PDE4D: variants seen among roughly 807,000 people sequenced by gnomAD.
The protein encoded by PDE4D is 3',5'-cyclic-AMP phosphodiesterase 4D.
PDE4D carries 24 observed loss-of-function variants against 87.4 expected under a neutral mutation model. The observed-to-expected ratio is 0.27, with a 90% CI of 0.20 to 0.39. The LOEUF is 0.39. Ranked by LOEUF, PDE4D falls within the 10% of genes least tolerant of loss-of-function variation. The probability of loss-of-function intolerance (pLI) is 1.00; values close to 1 mark genes in which losing one functional copy is unlikely to be tolerated. For missense variants in PDE4D, 714 were observed against 1,041.0 expected, an observed-to-expected ratio of 0.69 and a Z score of 4.32; for synonymous variants, 384 against 383.2, an observed-to-expected ratio of 1.00 and a Z score of -0.02.
chr5:60,333,779 A>G (rs992235745), intron 1 of PDE4D, among the ~76,000 whole-genome samples: 5 of 152,152 alleles, frequency 3.3e-5, no homozygotes, highest in African/African-American at 1.2e-4. Flanking sequence ...ATTCCAATTC[A>G]TCATAACTCA....
intron 1 of PDE4D, among the ~76,000 whole-genome samples, chr5:59,320,547 A>T (rs1774537543): frequency 6.6e-6 from 1 of 152,142 alleles, no homozygotes; most frequent in African/African-American, 2.4e-5. Context: ...TACTTATTTG[A>T]TGTAATTCAT....
chr5:60,345,766 GA>G (rs1310857346), intron 1 of PDE4D, among the ~76,000 whole-genome samples: 23 of 152,046 alleles, frequency 1.5e-4, no homozygotes, highest in African/African-American at 4.8e-4. Flanking sequence ...ATGCCAAGAT[GA>G]CTGAATTTCA....
At chr5:59,467,372 G>C (rs1010544222) in intron 1 of PDE4D, among the ~76,000 whole-genome samples, 19 of 152,146 alleles carry the variant, frequency 1.2e-4, no homozygotes, top group Admixed American at 1.2e-3. Context: ...AAATAAAGCA[G>C]AGACAGAGGG....
At chr5:59,916,054 C>T (rs1378736493) in intron 3 of PDE4D, among the ~76,000 whole-genome samples, 2 of 152,174 alleles carry the variant, frequency 1.3e-5, no homozygotes, top group Non-Finnish European at 2.9e-5. Context: ...TTAATCTCTA[C>T]TCATCACACC....
intron 1 of PDE4D, among the ~76,000 whole-genome samples, chr5:59,546,646 A>G (rs191715835): frequency 1.3e-5 from 2 of 152,280 alleles, no homozygotes; most frequent in Admixed American, 1.3e-4. Context: ...CCTATCTCAC[A>G]TCTTTTACCT....
intron 6 of PDE4D, among the ~76,000 whole-genome samples, chr5:59,028,788 ATAAAT>A (rs1156592211): frequency 6.6e-6 from 1 of 152,192 alleles, no homozygotes; most frequent in African/African-American, 2.4e-5. Flanking sequence ...GTTTAAAACA[ATAAAT>A]TAGTCTCTAA....
intron 6 of PDE4D, among the ~76,000 whole-genome samples, chr5:59,032,024 A>G (rs1757645347): frequency 7.1e-6 from 1 of 139,882 alleles, no homozygotes; most frequent in Non-Finnish European, 1.6e-5. Context: ...GATCTATTGC[A>G]CTGCATGGAG....
chr5:59,237,564 A>G (rs1459530173), intron 1 of PDE4D, among the ~76,000 whole-genome samples: 1 of 152,154 alleles, frequency 6.6e-6, no homozygotes, highest in Non-Finnish European at 1.5e-5. Context: ...TTTACAAGAC[A>G]TCGACAGGTG....
At chr5:59,702,721 T>C (rs1193441330) in intron 1 of PDE4D, among the ~76,000 whole-genome samples, 2 of 151,348 alleles carry the variant, frequency 1.3e-5, no homozygotes, top group East Asian at 3.9e-4. Context: ...ATACAAAAAT[T>C]AGCTGGGTGT....
intron 1 of PDE4D, among the ~76,000 whole-genome samples, chr5:60,194,423 T>C (rs1740969103): frequency 6.6e-6 from 1 of 151,724 alleles, no homozygotes; most frequent in South Asian, 2.1e-4. Flanking sequence ...TTATTTTGTC[T>C]ACATCTAAAA....
At chr5:60,025,833 G>A (rs1046417093) in intron 2 of PDE4D, among the ~76,000 whole-genome samples, 1 of 152,160 alleles carries the variant, frequency 6.6e-6, no homozygotes, top group African/African-American at 2.4e-5. Flanking sequence ...AGTGAGACAA[G>A]ATTGCACCAC....
intron 1 of PDE4D, among the ~76,000 whole-genome samples, chr5:60,216,447 A>G (rs1398870789): frequency 3.3e-5 from 5 of 152,150 alleles, no homozygotes; most frequent in Admixed American, 1.3e-4. Context: ...TCAACCTGTG[A>G]TTACATACTT....
chr5:60,294,984 C>T (rs1018305465), intron 1 of PDE4D, among the ~76,000 whole-genome samples: 4 of 151,992 alleles, frequency 2.6e-5, no homozygotes, highest in Non-Finnish European at 4.4e-5. Flanking sequence ...ATTGAGTCTT[C>T]TGATCAATGA....
At chr5:59,612,534 A>G (rs990994430) in intron 1 of PDE4D, among the ~76,000 whole-genome samples, 12 of 152,162 alleles carry the variant, frequency 7.9e-5, no homozygotes, top group African/African-American at 2.9e-4. Flanking sequence ...ACTATGAAAT[A>G]ACTAGGGCTC....
At chr5:59,750,104 T>A (rs1042822043) in intron 1 of PDE4D, among the ~76,000 whole-genome samples, 11 of 121,132 alleles carry the variant, frequency 9.1e-5, no homozygotes, top group East Asian at 2.2e-4. Context: ...TTTTTTTTTT[T>A]AACTACTTTT....
chr5:60,417,960 T>G (rs37709), intron 1 of PDE4D, among the ~76,000 whole-genome samples: 17,017 of 151,908 alleles, frequency 0.11, 1,424 homozygotes, highest in East Asian at 0.4. Flanking sequence ...TAACAATGAG[T>G]TCACAATTCA....
chr5:59,994,404 A>G (rs1433902920), intron 2 of PDE4D, among the ~76,000 whole-genome samples: 1 of 151,968 alleles, frequency 6.6e-6, no homozygotes, highest in Non-Finnish European at 1.5e-5. Flanking sequence ...ATACATATAC[A>G]TATATAGGCA....
chr5:60,080,027 T>G (rs1773752612), intron 2 of PDE4D, among the ~76,000 whole-genome samples: 2 of 152,212 alleles, frequency 1.3e-5, no homozygotes, highest in South Asian at 4.1e-4. Flanking sequence ...GTTTTTCCAT[T>G]TGTTTGTGTC....
intron 1 of PDE4D, among the ~76,000 whole-genome samples, chr5:59,360,039 A>G (rs572572096): frequency 7.2e-5 from 11 of 152,194 alleles, no homozygotes; most frequent in African/African-American, 2.6e-4. Flanking sequence ...TGCCTCTTGA[A>G]TATTTCTGGG....
Sources: allele counts gnomAD v4.1 joint callset (sites outside exome capture counted in the v4.1 genomes callset), GRCh38; gene constraint gnomAD v4.1.1; transcripts MANE v1.5; gene names NCBI Gene and HGNC (gene_info 2026-07-23, HGNC 2026-07-21).